Variants in PDE4B observed in about 807,000 individuals in gnomAD.
PDE4B encodes the protein phosphodiesterase 4B, also known as 3',5'-cyclic-AMP phosphodiesterase 4B.
Under a neutral mutation model 82.2 loss-of-function variants are expected in PDE4B, and 20 were observed. The observed-to-expected ratio is 0.24, with a 90% CI of 0.17 to 0.35. PDE4B has a LOEUF of 0.35. Ranked by LOEUF, PDE4B falls within the 10% of genes least tolerant of loss-of-function variation. The probability of loss-of-function intolerance (pLI) is 1.00; values close to 1 mark genes in which losing one functional copy is unlikely to be tolerated. For missense variants in PDE4B, 655 were observed against 907.2 expected (o/e 0.72, Z 3.57); for synonymous variants, 320 against 318.9 (o/e 1.00, Z -0.04).
At chr1:66,044,898 A>T (rs1410316838) in intron 3 of PDE4B, among the ~76,000 whole-genome samples, 1 of 151,920 alleles carries the variant, frequency 6.6e-6, no homozygotes, top group Non-Finnish European at 1.5e-5. Context: ...TGCCATTGAT[A>T]CAATTTTTAC....
intron 3 of PDE4B, among the ~76,000 whole-genome samples, chr1:66,086,857 G>A (rs1285760315): frequency 6.6e-6 from 1 of 152,150 alleles, no homozygotes; most frequent in East Asian, 1.9e-4. Context: ...CCAATATAGT[G>A]TGACAAAGAT....
At chr1:66,116,149 A>G (rs1417527498) in intron 3 of PDE4B, among the ~76,000 whole-genome samples, 1 of 152,170 alleles carries the variant, frequency 6.6e-6, no homozygotes, top group Non-Finnish European at 1.5e-5. Flanking sequence ...ATTAAAGTTG[A>G]TGTTCACTTG....
intron 3 of PDE4B, among the ~76,000 whole-genome samples, chr1:65,922,983 C>T (rs1432573755): frequency 1.3e-5 from 2 of 152,102 alleles, no homozygotes; most frequent in Admixed American, 6.5e-5. Flanking sequence ...TGACCACTGC[C>T]CTTTTGAGTA....
At chr1:66,291,444 C>A (rs569988840) in intron 7 of PDE4B, among the ~76,000 whole-genome samples, 3 of 152,284 alleles carry the variant, frequency 2.0e-5, no homozygotes, top group African/African-American at 7.2e-5. Context: ...CATGTTGTCA[C>A]CTTTCTATAG....
intron 3 of PDE4B, among the ~76,000 whole-genome samples, chr1:65,956,866 A>G (rs533167013): frequency 6.6e-6 from 1 of 152,052 alleles, no homozygotes; most frequent in Non-Finnish European, 1.5e-5. Context: ...GAAAATTTAT[A>G]CTCCTACCAG....
intron 3 of PDE4B, among the ~76,000 whole-genome samples, chr1:66,207,060 G>A (rs1404020150): frequency 6.6e-6 from 1 of 152,124 alleles, no homozygotes. Flanking sequence ...CATTTCCCCT[G>A]TAAATAGTAA....
At chr1:66,354,515 A>G (rs1257011863) in intron 8 of PDE4B, 13 of 1,086,764 alleles carry the variant, frequency 1.2e-5, no homozygotes, top group African/African-American at 1.7e-5. Context: ...CCCTTCGGCC[A>G]CCAGGGCTAT....
rs10605148 is a variant in PDE4B at position 65,895,549 on chromosome 1, CAAAAA to C, written c.-70-17678_-70-17674del. On this transcript the variant is annotated intron_variant, in intron 1 of 16. Transcript: ENST00000341517. The stretch of plus-strand genomic sequence containing the variant: ...TGTGTGACAGAGTGAGACACTGTCT[CAAAAA>C]AAAAAAAAAAAAAAAAAGACACTTC... Among the ~76,000 whole-genome samples the C allele has an allele frequency of 7.5e-4, 69 of 91,960 alleles. No homozygotes were observed. The East Asian group carries it at 0.014, about 19-fold the overall frequency. 60.3% of individuals were successfully genotyped at this position (91,960 alleles called of 152,430 possible). A position where few individuals can be genotyped will look rare whatever the true frequency, so the allele number is the denominator to read the frequency against.
Position 66,365,675 on chromosome 1 carries a change from C to A in PDE4B, c.1293C>A (p.Phe431Leu). 6.2e-7 allele frequency: 1 copy of A among 1,605,366 alleles called. No individual in the cohort carries two copies. Among genetic ancestry groups the A allele is most frequent in the Non-Finnish European group, 8.5e-7 (1 of 1,172,900 alleles). Reference sequence around the variant, plus strand: ...GTTTATTTGCCCGACAGGCTGTCTTCACAGATTTGGAGATCCTGGCTGCCA... The same window carrying A: ...GTTTATTTGCCCGACAGGCTGTCTTAACAGATTTGGAGATCCTGGCTGCCA... Reference protein sequence around the residue: ...LLSTPALDAVFTDLEILAAIF... With the variant: ...LLSTPALDAVLTDLEILAAIF... The change falls in exon 13 of 17, where the codon TTC (phenylalanine) becomes TTA (leucine). Residue 431 changes from phenylalanine (F) to leucine (L), a missense_variant. Around this residue, in one of 3 missense-constraint regions of PDE4B, gnomAD observed 283 missense variants for 516.4 expected, o/e 0.55. Transcript: ENST00000341517.
intron 3 of PDE4B, among the ~76,000 whole-genome samples, chr1:66,096,557 C>A (rs1378697302): frequency 8.5e-6 from 1 of 117,004 alleles, no homozygotes. Flanking sequence ...ATTTCAAAGG[C>A]TTAGTATAAA....
chr1:65,933,066 T>G lies in PDE4B; in HGVS notation c.281+14231T>G, dbSNP rs1046301967. Among the ~76,000 whole-genome samples the G allele has an allele frequency of 7.2e-5, 11 of 151,990 alleles. 1 individual carries two copies. Among genetic ancestry groups the G allele is most frequent in the Non-Finnish European group, 1.6e-4 (11 of 68,022 alleles). The stretch of plus-strand genomic sequence containing the variant: ...AAATAATAGCACAAAACTTCCCAAA[T>G]CTGGGGAAGAAAATGCACATTCTAC... On this transcript the variant is annotated intron_variant, in intron 3 of 16. Coordinates refer to ENST00000341517, the MANE Select transcript of PDE4B (RefSeq NM_002600.4).
At chr1:65,841,527 T>A (rs1297652821) in intron 1 of PDE4B, among the ~76,000 whole-genome samples, 2 of 152,112 alleles carry the variant, frequency 1.3e-5, no homozygotes, top group Non-Finnish European at 2.9e-5. Context: ...TTTCTCCATC[T>A]TTAACATGAG....
In PDE4B at chr1:66,060,516, C is replaced by G. The variant is rs140766792; in HGVS notation, c.281+141681C>G. 3.6e-4 allele frequency among the ~76,000 whole-genome samples: 55 copies of G among 152,246 alleles called. 1 individual carries two copies. In the East Asian group the frequency reaches 0.01, roughly 28 times the overall value. ...ACTGTTTACACGTGTAAAATACACA[C>G]TGGATTTTGAAGATTTAGTATAAGA... On this transcript the variant is annotated intron_variant, in intron 3 of 16. Coordinates refer to ENST00000341517, the MANE Select transcript of PDE4B (RefSeq NM_002600.4).
chr1:66,189,346 A>G (rs1647515828), intron 3 of PDE4B, among the ~76,000 whole-genome samples: 1 of 151,984 alleles, frequency 6.6e-6, no homozygotes, highest in Non-Finnish European at 1.5e-5. Flanking sequence ...TCTTTGTGGC[A>G]TTCTCTGTAT....
intron 7 of PDE4B, among the ~76,000 whole-genome samples, chr1:66,297,623 T>C (rs1289362328): frequency 6.6e-6 from 1 of 152,142 alleles, no homozygotes; most frequent in East Asian, 1.9e-4. Context: ...ATATTATTCA[T>C]TATATATTAT....
At position 65,988,703 on chromosome 1, in the gene PDE4B, T is replaced by A. The variant is rs769034059; in HGVS notation, c.281+69868T>A. Among the ~76,000 whole-genome samples, 3 of 152,170 alleles carry A rather than the reference T, an allele frequency of 2.0e-5. No individual in the cohort carries two copies. The South Asian group carries it at 6.2e-4, about 31-fold the overall frequency. Reference sequence around the variant, plus strand: ...TCTTAATTCATTGTCTTCTCAAATATCCAGCTTTGTATTTACAATAAGTGG... The same window carrying A: ...TCTTAATTCATTGTCTTCTCAAATAACCAGCTTTGTATTTACAATAAGTGG... On this transcript the variant is annotated intron_variant, in intron 3 of 16. Coordinates refer to ENST00000341517, the MANE Select transcript of PDE4B (RefSeq NM_002600.4).
At chr1:66,124,528 A>G (rs1645779093) in intron 3 of PDE4B, among the ~76,000 whole-genome samples, 1 of 152,176 alleles carries the variant, frequency 6.6e-6, no homozygotes, top group African/African-American at 2.4e-5. Flanking sequence ...AGTTGATTTG[A>G]TGGGGAAACT....
intron 3 of PDE4B, among the ~76,000 whole-genome samples, chr1:66,208,512 C>T (rs1220036789): frequency 1.3e-5 from 2 of 152,202 alleles, no homozygotes; most frequent in Non-Finnish European, 1.5e-5. Flanking sequence ...AAGTAATTGT[C>T]AAGAGAAGCT....
At chr1:66,352,270 G>T (rs1422626069) in intron 8 of PDE4B, among the ~76,000 whole-genome samples, 1 of 152,158 alleles carries the variant, frequency 6.6e-6, no homozygotes. Flanking sequence ...TGTGCCCTTA[G>T]CAAAAGGCTC....
Sources: allele counts gnomAD v4.1 joint callset (sites outside exome capture counted in the v4.1 genomes callset), GRCh38; gene constraint gnomAD v4.1.1; regional missense constraint gnomAD v4.1.1; transcripts MANE v1.5; gene names NCBI Gene and HGNC (gene_info 2026-07-23, HGNC 2026-07-21).